Variants in FRMD7 observed in about 807,000 individuals in gnomAD.
FRMD7 encodes FERM domain containing 7, also known as FERM domain-containing protein 7.
FRMD7 carries 14 observed loss-of-function variants against 44.1 expected under a neutral mutation model. The ratio of observed to expected loss-of-function variants is 0.32; its 90% CI spans 0.21 to 0.50. FRMD7 has a LOEUF of 0.50. Among genes scored for constraint, FRMD7 ranks in the 20% least tolerant of loss-of-function variants. The pLI is 0.99. For missense variants in FRMD7, 501 were observed against 522.3 expected, an observed-to-expected ratio of 0.96 and a Z score of 0.40; for synonymous variants, 212 against 187.4, an observed-to-expected ratio of 1.13 and a Z score of -1.07.
At chrX:132,103,260 A>T (rs1325538278) in intron 1 of FRMD7, among the ~76,000 whole-genome samples, 1 of 111,822 alleles carries the variant, frequency 8.9e-6, no homozygotes, top group East Asian at 2.8e-4. Context: ...TCTTTCTTGT[A>T]ATACTGCCTT....
Position 132,085,946 on chromosome X carries a change from C to T in FRMD7, c.471G>A (p.Lys157=). ...TGTGCTTCTGATGAAAGTGCATGAT[C>T]TTGCCCTCTAAACAGTCTTGGTTTG... ...YLPNQDCLEG[K]IMHFHQKHIG... The change falls in exon 6 of 12, where the codon AAG becomes AAA. Residue 157 remains lysine (K), a synonymous_variant. Coordinates refer to ENST00000298542, the MANE Select transcript of FRMD7 (RefSeq NM_194277.3). The T allele has an allele frequency of 8.3e-7, 1 of 1,201,577 alleles. No homozygotes were observed. Among genetic ancestry groups the T allele is most frequent in the African/African-American group, 1.7e-5 (1 of 57,679 alleles).
intron 5 of FRMD7, among the ~76,000 whole-genome samples, chrX:132,091,516 G>A (rs1477891197): frequency 9.0e-6 from 1 of 111,064 alleles, no homozygotes; most frequent in Non-Finnish European, 1.9e-5. Context: ...AGCCTACCCT[G>A]TCCACCTTAT....
Position 132,127,862 on chromosome X carries a change from G to A in FRMD7, c.-18C>T. On this transcript the variant is annotated 5_prime_UTR_variant, in exon 1 of 12. Coordinates refer to ENST00000298542, the MANE Select transcript of FRMD7 (RefSeq NM_194277.3). The stretch of plus-strand genomic sequence containing the variant: ...TGTAGCATTCTCAGCGAGGCCGTTG[G>A]GCTGCAAGCAGGCTCAGAGTGCTGT... The A allele has an allele frequency of 1.7e-6, 2 of 1,192,618 alleles. No homozygotes were observed. The highest frequency in any genetic ancestry group is 2.3e-6 in the Non-Finnish European group (2 of 878,156).
At chrX:132,090,739 T>A (rs1298869285) in intron 5 of FRMD7, among the ~76,000 whole-genome samples, 3 of 110,069 alleles carry the variant, frequency 2.7e-5, no homozygotes, top group East Asian at 5.6e-4. Flanking sequence ...GCTGTTTTTT[T>A]AAATAAATCA....
intron 5 of FRMD7, among the ~76,000 whole-genome samples, chrX:132,086,865 G>T (rs141682624): frequency 2.6e-4 from 29 of 112,052 alleles, no homozygotes; most frequent in African/African-American, 8.4e-4. Context: ...GACATTGCAA[G>T]CCAATTCATC....
intron 4 of FRMD7, among the ~76,000 whole-genome samples, chrX:132,094,458 A>G (rs953173228): frequency 1.8e-5 from 2 of 112,245 alleles, no homozygotes; most frequent in Admixed American, 1.9e-4. Context: ...ATTCCCAGCT[A>G]GAAAGAATAG....
At chrX:132,092,762 C>G (rs1928216668) in intron 5 of FRMD7, among the ~76,000 whole-genome samples, 1 of 111,895 alleles carries the variant, frequency 8.9e-6, no homozygotes, top group African/African-American at 3.2e-5. Context: ...AGGATGTCTT[C>G]TAGCACTGTT....
chrX:132,096,586 G>A (rs766498961), intron 4 of FRMD7, among the ~76,000 whole-genome samples: 35 of 92,403 alleles, frequency 3.8e-4, no homozygotes, highest in African/African-American at 8.2e-4. Context: ...TTAGCCGGGC[G>A]TGGCGGCAAG....
chrX:132,100,199 C>T (rs5933073), intron 2 of FRMD7, among the ~76,000 whole-genome samples: 8,165 of 111,725 alleles, frequency 0.073, 261 homozygotes, highest in African/African-American at 0.12. Flanking sequence ...TGGTGCGATG[C>T]TGGCTCACAG....
chrX:132,118,451 T>C (rs1928957699), intron 1 of FRMD7, among the ~76,000 whole-genome samples: 1 of 108,552 alleles, frequency 9.2e-6, no homozygotes, highest in South Asian at 3.8e-4. Flanking sequence ...CAAAGGGAGA[T>C]GGAGCTCTTG....
At chrX:132,099,681 G>GC (rs1216386686) in intron 2 of FRMD7, among the ~76,000 whole-genome samples, 171 bp from the exon 3 acceptor site, 1 of 111,482 alleles carries the variant, frequency 9.0e-6, no homozygotes, top group Non-Finnish European at 1.9e-5. Context: ...CGTTTAATCT[G>GC]CCCCCTTATA....
chrX:132,100,249 A>T (rs1164720238), intron 2 of FRMD7, among the ~76,000 whole-genome samples: 1 of 111,735 alleles, frequency 8.9e-6, no homozygotes, highest in Non-Finnish European at 1.9e-5. Context: ...CTCCTGCCTC[A>T]GCCTCCCAAG....
At position 132,082,454 on chromosome X, in the gene FRMD7, C is replaced by G; in HGVS notation, c.814G>C (p.Val272Leu). 1.7e-6 allele frequency: 2 copies of G among 1,209,793 alleles called. No individual in the cohort carries two copies. The highest frequency in any genetic ancestry group is 2.2e-6 in the Non-Finnish European group (2 of 893,377). ...DACKAFWKTC[V>L]EYHAFFRLSE... The stretch of plus-strand genomic sequence containing the variant: ...AGCCTGAAGAAAGCATGGTATTCCA[C>G]ACAAGTCTTCCAGAAAGCCTTGCAG... Residue 272 changes from valine to leucine, a missense_variant, in exon 9 of 12, where the codon GTG (valine) becomes CTG (leucine). Val to Leu is a conservative substitution (Grantham distance 32). Transcript: ENST00000298542.
At chrX:132,124,700 C>T (rs1035310768) in intron 1 of FRMD7, among the ~76,000 whole-genome samples, 1 of 111,984 alleles carries the variant, frequency 8.9e-6, no homozygotes, top group Non-Finnish European at 1.9e-5. Flanking sequence ...AAAGTATTAA[C>T]AAGTTAAAAA....
chrX:132,099,555 C>A, intron 2 of FRMD7, 45 bp from the exon 3 acceptor site: 1 of 996,792 alleles, frequency 1.0e-6, no homozygotes, highest in South Asian at 2.0e-5. Context: ...TGGCATTGAG[C>A]AGAGCTTTTT....
chrX:132,086,491 T>C (rs761284028), intron 5 of FRMD7, among the ~76,000 whole-genome samples: 1 of 110,252 alleles, frequency 9.1e-6, no homozygotes, highest in Non-Finnish European at 1.9e-5. Context: ...GTGATTGAGG[T>C]GAAATGACTC....
rs186304497 is a variant in FRMD7 at position 132,086,125 on chromosome X, C to T, written c.383-91G>A. 5.5e-5 allele frequency: 32 copies of T among 582,384 alleles called. No homozygotes were observed. The East Asian group carries it at 7.9e-4, about 14-fold the overall frequency. 48.0% of individuals were successfully genotyped at this position (582,384 alleles called of 1,213,427 possible). A position where few individuals can be genotyped will look rare whatever the true frequency, so the allele number is the denominator to read the frequency against. ...ATACCCTTGTCCTCCATCAAACAGC[C>T]CCTTCTTTGTAGCCAATGCAGTCCA... is the stretch of plus-strand genomic sequence containing the variant. On this transcript the variant is annotated intron_variant, in intron 5 of 11. Transcript: ENST00000298542.
intron 3 of FRMD7, among the ~76,000 whole-genome samples, chrX:132,097,924 G>T (rs1166414053): frequency 1.8e-5 from 2 of 112,505 alleles, no homozygotes; most frequent in Non-Finnish European, 3.8e-5. Context: ...AATATTTGTT[G>T]GTGCCCATTA....
intron 1 of FRMD7, among the ~76,000 whole-genome samples, chrX:132,127,104 T>C (rs1036935264): frequency 1.8e-5 from 2 of 112,619 alleles, no homozygotes; most frequent in Non-Finnish European, 1.9e-5. Flanking sequence ...AAAATGCTCA[T>C]ACATAAATCC....
Sources: gnomAD v4.1 joint callset for allele counts (sites outside exome capture counted in the v4.1 genomes callset) on GRCh38, gnomAD v4.1.1 for gene constraint, MANE v1.5 for transcripts, NCBI Gene and HGNC (gene_info 2026-07-23, HGNC 2026-07-21) for gene names.